GRIA1: variants seen among roughly 807,000 people sequenced by gnomAD.
GRIA1 encodes glutamate receptor 1.
GRIA1 carries 31 observed loss-of-function variants against 99.2 expected under a neutral mutation model. The ratio of observed to expected loss-of-function variants is 0.31; its 90% CI spans 0.23 to 0.42. GRIA1 has a LOEUF of 0.42. Ranked by LOEUF, GRIA1 falls within the 10% of genes least tolerant of loss-of-function variation. The pLI, the probability that GRIA1 is intolerant of heterozygous loss-of-function variation, is 1.00. For synonymous variants in GRIA1, 438 were observed against 432.4 expected (o/e 1.01, Z -0.16); for missense variants, 782 against 1,157.5 (o/e 0.68, Z 4.71).
intron 11 of GRIA1, among the ~76,000 whole-genome samples, chr5:153,710,154 AT>A (rs1561789985): frequency 6.6e-6 from 1 of 150,524 alleles, no homozygotes; most frequent in Non-Finnish European, 1.5e-5. Context: ...ATTACAATTT[AT>A]TTTTTTAATT....
chr5:153,554,029 T>C (rs1484193750), intron 2 of GRIA1, among the ~76,000 whole-genome samples: 7 of 152,156 alleles, frequency 4.6e-5, no homozygotes, highest in Non-Finnish European at 7.3e-5. Flanking sequence ...CACATAATTA[T>C]GAAATAGAAG....
chr5:153,531,168 G>T (rs1007914307), intron 2 of GRIA1, among the ~76,000 whole-genome samples: 46 of 152,304 alleles, frequency 3.0e-4, no homozygotes, highest in Non-Finnish European at 3.5e-4. Context: ...AAGTACAAAA[G>T]TTTTTAGGTG....
intron 14 of GRIA1, among the ~76,000 whole-genome samples, chr5:153,796,495 G>C (rs781559444): frequency 3.9e-5 from 6 of 152,150 alleles, no homozygotes; most frequent in Non-Finnish European, 8.8e-5. Flanking sequence ...ACAACTGAGG[G>C]CTGCTGCTTC....
At chr5:153,563,834 A>T (rs770689585) in intron 2 of GRIA1, among the ~76,000 whole-genome samples, 14 of 152,080 alleles carry the variant, frequency 9.2e-5, no homozygotes, top group Admixed American at 1.3e-4. Flanking sequence ...TTCTCTTTTC[A>T]TTAGTGTCTT....
At chr5:153,755,781 T>C (rs796654644) in intron 11 of GRIA1, 7 of 152,328 alleles carry the variant, frequency 4.6e-5, no homozygotes, top group African/African-American at 1.7e-4. Flanking sequence ...GAAAAAAGTC[T>C]CTCTGCAGGA....
chr5:153,796,012 A>AC (rs1561867428), intron 14 of GRIA1, among the ~76,000 whole-genome samples: 1 of 103,208 alleles, frequency 9.7e-6, no homozygotes, highest in East Asian at 3.9e-4. Flanking sequence ...TTTTTTTTTA[A>AC]CTTTTTTTTT....
intron 11 of GRIA1, among the ~76,000 whole-genome samples, chr5:153,722,677 CA>C (rs1332066417): frequency 6.6e-6 from 1 of 152,150 alleles, no homozygotes; most frequent in African/African-American, 2.4e-5. Context: ...CTGTCTTTGC[CA>C]GGGTATTACC....
chr5:153,596,061 T>A, intron 2 of GRIA1, among the ~76,000 whole-genome samples: 1 of 150,508 alleles, frequency 6.6e-6, no homozygotes. Context: ...TGTCACTAAG[T>A]AGCAAATTAT....
chr5:153,555,224 A>G (rs890133848), intron 2 of GRIA1, among the ~76,000 whole-genome samples: 1 of 151,720 alleles, frequency 6.6e-6, no homozygotes, highest in Non-Finnish European at 1.5e-5. Flanking sequence ...AGAACCAATA[A>G]TGATCTCTTT....
chr5:153,592,295 C>T (rs1158046820), intron 2 of GRIA1, among the ~76,000 whole-genome samples: 1 of 152,180 alleles, frequency 6.6e-6, no homozygotes, highest in Non-Finnish European at 1.5e-5. Flanking sequence ...CATTGAATTC[C>T]TGCCAAGGGG....
At chr5:153,633,471 G>C (rs1007330654) in intron 2 of GRIA1, among the ~76,000 whole-genome samples, 3 of 152,172 alleles carry the variant, frequency 2.0e-5, no homozygotes, top group African/African-American at 4.8e-5. Flanking sequence ...TGGTGCAAAG[G>C]GAACTAAATA....
chr5:153,578,021 C>T (rs72802622), intron 2 of GRIA1, among the ~76,000 whole-genome samples: 16,077 of 151,152 alleles, frequency 0.11, 951 homozygotes, highest in South Asian at 0.25. Context: ...CATCATGGTG[C>T]GTGCCTGTAA....
chr5:153,506,304 G>T (rs1361345167), intron 2 of GRIA1, among the ~76,000 whole-genome samples: 1 of 141,366 alleles, frequency 7.1e-6, no homozygotes. Context: ...TGCTTATTAG[G>T]ATGGCAAGAA....
At chr5:153,804,645 G>A (rs1414217745) in intron 15 of GRIA1, among the ~76,000 whole-genome samples, 1 of 152,062 alleles carries the variant, frequency 6.6e-6, no homozygotes, top group East Asian at 1.9e-4. Context: ...ATGAACGTCT[G>A]GGCATAAATT....
At chr5:153,797,871 C>T (rs186680802) in intron 14 of GRIA1, among the ~76,000 whole-genome samples, 1 of 152,248 alleles carries the variant, frequency 6.6e-6, no homozygotes, top group East Asian at 1.9e-4. Context: ...AGGGAACTGG[C>T]CTAGATTGGA....
intron 2 of GRIA1, among the ~76,000 whole-genome samples, chr5:153,621,063 G>A (rs1280002726): frequency 6.6e-6 from 1 of 152,162 alleles, no homozygotes; most frequent in Non-Finnish European, 1.5e-5. Context: ...GCAACATAGT[G>A]GCCCTGGATT....
At chr5:153,659,709 A>G (rs1755217104) in intron 5 of GRIA1, among the ~76,000 whole-genome samples, 1 of 152,194 alleles carries the variant, frequency 6.6e-6, no homozygotes, top group African/African-American at 2.4e-5. Context: ...TGAGTACCTA[A>G]ACCATGGAGT....
At position 153,802,412 on chromosome 5, in the gene GRIA1, C is replaced by A. The variant is rs368502704; in HGVS notation, c.2442C>A (p.Ile814=). The stretch of plus-strand genomic sequence containing the variant: ...TGGCAGGCGTGTTCTACATCCTGAT[C>A]GGAGGACTTGGACTAGCCATGCTGG... ...SNVAGVFYIL[I]GGLGLAMLVA... is the part of the protein sequence containing the mutation. Residue 814 remains isoleucine, a synonymous_variant, in exon 15 of 16, where the codon ATC becomes ATA. Transcript: ENST00000285900. 5.6e-6 allele frequency: 9 copies of A among 1,613,538 alleles called. No individual in the cohort carries two copies. In the East Asian group the frequency reaches 2.0e-4, roughly 36 times the overall value.
chr5:153,696,235 G>A (rs1045483881), intron 8 of GRIA1, among the ~76,000 whole-genome samples: 15 of 152,150 alleles, frequency 9.9e-5, no homozygotes, highest in East Asian at 1.9e-4. Flanking sequence ...TACCCACTTC[G>A]CAGGTTTTGT....
Sources: gnomAD v4.1 joint callset for allele counts (sites outside exome capture counted in the v4.1 genomes callset) on GRCh38, gnomAD v4.1.1 for gene constraint, MANE v1.5 for transcripts, NCBI Gene and HGNC (gene_info 2026-07-23, HGNC 2026-07-21) for gene names.